PDE6D: variants seen among roughly 807,000 people sequenced by gnomAD.
PDE6D encodes the protein phosphodiesterase 6D.
PDE6D carries 10 observed loss-of-function variants against 21.9 expected under a neutral mutation model. The ratio of observed to expected loss-of-function variants is 0.46; its 90% CI spans 0.28 to 0.78. The LOEUF is 0.78. Ranked by LOEUF, PDE6D falls within the 30% of genes least tolerant of loss-of-function variation. The pLI, the probability that PDE6D is intolerant of heterozygous loss-of-function variation, is 0.12. For missense variants in PDE6D, 139 were observed against 184.8 expected (o/e 0.75, Z 1.44); for synonymous variants, 59 against 63.5 (o/e 0.93, Z 0.34).
chr2:231,736,163 A>G (rs975468806), intron 4 of PDE6D, among the ~76,000 whole-genome samples: 7 of 152,134 alleles, frequency 4.6e-5, no homozygotes, highest in Admixed American at 3.3e-4. Context: ...ACATGGCAAG[A>G]CCCTGTTTTT....
At chr2:231,747,097 T>C (rs2048800043) in intron 1 of PDE6D, among the ~76,000 whole-genome samples, 1 of 152,176 alleles carries the variant, frequency 6.6e-6, no homozygotes, top group Non-Finnish European at 1.5e-5. Context: ...GATGATACTT[T>C]TTTTCTTTTG....
At position 231,739,745 on chromosome 2, in the gene PDE6D, C is replaced by T. The variant is rs2048732708; in HGVS notation, c.51-557G>A. Among the ~76,000 whole-genome samples the T allele has an allele frequency of 1.3e-5, 2 of 151,930 alleles. No individual in the cohort carries two copies. The highest frequency in any genetic ancestry group is 2.4e-5 in the African/African-American group (1 of 41,352). On this transcript the variant is annotated intron_variant, in intron 1 of 4. Transcript: ENST00000287600. This position sits in a 1 kb window ranked among gnomAD's most constrained non-coding sequence, Gnocchi z 4.2. ...CTCCTTGGTTCAAGCAATTCTTGTG[C>T]CTCAGCCTCCTGAGTAGCTGGAATT...
At chr2:231,758,831 A>G (rs1238344331) in intron 1 of PDE6D, among the ~76,000 whole-genome samples, 3 of 152,114 alleles carry the variant, frequency 2.0e-5, no homozygotes, top group African/African-American at 7.2e-5. Flanking sequence ...TTGCATTTCT[A>G]ACTAGCTCCC....
intron 1 of PDE6D, among the ~76,000 whole-genome samples, chr2:231,753,425 C>CCTA (rs1559321113): frequency 6.6e-6 from 1 of 151,812 alleles, no homozygotes; most frequent in African/African-American, 2.4e-5. Context: ...GCGGCACGCG[C>CCTA]CTGTAGTCCC....
chr2:231,743,009 C>T (rs903465696), intron 1 of PDE6D, among the ~76,000 whole-genome samples: 75 of 152,186 alleles, frequency 4.9e-4, no homozygotes, highest in Non-Finnish European at 1.8e-4. Flanking sequence ...GATACCCTTT[C>T]CCATTGTTTG....
At chr2:231,762,697 A>C (rs2048940981) in intron 1 of PDE6D, among the ~76,000 whole-genome samples, 1 of 152,126 alleles carries the variant, frequency 6.6e-6, no homozygotes, top group African/African-American at 2.4e-5. Context: ...GCAACGCAAA[A>C]TTATCTTAAT....
chr2:231,736,012 G>A (rs1380948056), intron 4 of PDE6D, among the ~76,000 whole-genome samples: 4 of 150,250 alleles, frequency 2.7e-5, no homozygotes, highest in African/African-American at 9.8e-5. Context: ...TGGGTGACAG[G>A]GCGAGACTCT....
At chr2:231,735,473 T>C (rs2048691889) in intron 4 of PDE6D, among the ~76,000 whole-genome samples, 1 of 150,646 alleles carries the variant, frequency 6.6e-6, no homozygotes, top group African/African-American at 2.4e-5. Flanking sequence ...TGATTTTTTG[T>C]ATTTTTAGTA....
chr2:231,773,227 G>A (rs1245149239), intron 1 of PDE6D, among the ~76,000 whole-genome samples: 2 of 152,122 alleles, frequency 1.3e-5, no homozygotes, highest in African/African-American at 2.4e-5. Flanking sequence ...AGACCCTGTC[G>A]CAGAAAAGAA....
chr2:231,746,724 T>C (rs1053044292), intron 1 of PDE6D, among the ~76,000 whole-genome samples: 18 of 150,872 alleles, frequency 1.2e-4, no homozygotes, highest in African/African-American at 4.4e-4. Context: ...TGAGAAGGAA[T>C]GGGGAAGACA....
intron 4 of PDE6D, among the ~76,000 whole-genome samples, chr2:231,733,494 A>G (rs1460209691): frequency 6.6e-6 from 1 of 152,150 alleles, no homozygotes; most frequent in African/African-American, 2.4e-5. Context: ...TTTGGGTAAC[A>G]GCACCTTGCT....
chr2:231,745,364 G>C (rs931166466), intron 1 of PDE6D, among the ~76,000 whole-genome samples: 1 of 152,182 alleles, frequency 6.6e-6, no homozygotes, highest in Admixed American at 6.5e-5. Flanking sequence ...GAGAAAAAGA[G>C]CCTGAGTTTT....
intron 1 of PDE6D, among the ~76,000 whole-genome samples, chr2:231,760,852 G>C (rs910711346): frequency 6.6e-6 from 1 of 152,220 alleles, no homozygotes; most frequent in African/African-American, 2.4e-5. Context: ...AAAAGGACAC[G>C]CTGCAAGGCT....
At position 231,738,094 on chromosome 2, in the gene PDE6D, C is replaced by T. The variant is rs2048717873; in HGVS notation, c.184G>A (p.Glu62Lys). The change falls in exon 3 of 5, where the codon GAA becomes AAA. Residue 62 changes from glutamate to lysine, a missense_variant. Physicochemically the swap from Glu to Lys is moderately conservative, Grantham distance 56 (BLOSUM62 1). Coordinates refer to ENST00000287600, the MANE Select transcript of PDE6D (RefSeq NM_002601.4). Reference sequence around the variant, plus strand: ...TGTTCTGTCGAAGAAAAATTAAGTTCTCGAGACACTGCCTTGCACTTGAGG... The same window carrying T: ...TGTTCTGTCGAAGAAAAATTAAGTTTTCGAGACACTGCCTTGCACTTGAGG... The part of the protein sequence containing the change: ...KILKCKAVSR[E>K]LNFSSTEQME... The T allele has an allele frequency of 6.2e-7, 1 of 1,613,764 alleles. No individual in the cohort carries two copies. Among genetic ancestry groups the T allele is most frequent in the Non-Finnish European group, 8.5e-7 (1 of 1,179,842 alleles).
intron 1 of PDE6D, among the ~76,000 whole-genome samples, chr2:231,771,789 AGAACAT>A (rs1416879429): frequency 2.6e-5 from 4 of 152,236 alleles, no homozygotes; most frequent in Non-Finnish European, 1.5e-5. Flanking sequence ...TTTTAGGTGT[AGAACAT>A]ATCTCAATAT....
chr2:231,755,617 C>A (rs2066208089), intron 1 of PDE6D, among the ~76,000 whole-genome samples: 1 of 151,844 alleles, frequency 6.6e-6, no homozygotes, highest in East Asian at 1.9e-4. Context: ...TCCTACCACA[C>A]AAGATCTCTA....
intron 1 of PDE6D, among the ~76,000 whole-genome samples, chr2:231,746,854 G>C (rs985245901): frequency 6.6e-6 from 1 of 152,106 alleles, no homozygotes; most frequent in African/African-American, 2.4e-5. Flanking sequence ...TCAGAACCAA[G>C]AGACAGAGCC....
chr2:231,740,607 C>G (rs2048739796), intron 1 of PDE6D, among the ~76,000 whole-genome samples: 1 of 130,430 alleles, frequency 7.7e-6, no homozygotes, highest in Non-Finnish European at 1.6e-5. Flanking sequence ...CCTGAGTCCA[C>G]AAAATCAATG....
intron 1 of PDE6D, among the ~76,000 whole-genome samples, chr2:231,765,842 T>C (rs2048967060): frequency 6.6e-6 from 1 of 152,188 alleles, no homozygotes; most frequent in African/African-American, 2.4e-5. Context: ...GCCTTTATGA[T>C]CTCTCCCCTC....
Sources: allele counts gnomAD v4.1 joint callset (sites outside exome capture counted in the v4.1 genomes callset), GRCh38; gene constraint gnomAD v4.1.1; non-coding constraint Gnocchi (gnomAD v3.1); transcripts MANE v1.5; gene names NCBI Gene and HGNC (gene_info 2026-07-23, HGNC 2026-07-21).